TMEM39A: variants seen among roughly 807,000 people sequenced by gnomAD.
TMEM39A encodes transmembrane protein 39A, also known as suppressor of SQST-1 aggregates in rpl-43 mutants.
A neutral mutation model predicts 51.9 loss-of-function variants in TMEM39A; 19 were observed. The ratio of observed to expected loss-of-function variants is 0.37; its 90% CI spans 0.26 to 0.54. TMEM39A has a LOEUF of 0.54. Ranked by LOEUF, TMEM39A falls within the 20% of genes least tolerant of loss-of-function variation. TMEM39A has a pLI of 0.88. For missense variants in TMEM39A, 433 were observed against 590.5 expected (o/e 0.73, Z 2.76); for synonymous variants, 197 against 220.2 (o/e 0.89, Z 0.93).
Position 119,438,078 on chromosome 3 carries a change from A to C in TMEM39A, c.601T>G (p.Cys201Gly). 1 of 1,590,842 alleles carries C rather than the reference A, an allele frequency of 6.3e-7. No individual in the cohort carries two copies. The highest frequency in any genetic ancestry group is 8.6e-7 in the Non-Finnish European group (1 of 1,160,718). ...YPFGVYVPLC[C>G]FHQDSRAHLL... is the part of the protein sequence containing the mutation. ...TGTGCTCTACTATCTTGATGAAAAC[A>C]GCAAAGAGGAACATAAACACCAAAC... Residue 201 changes from cysteine to glycine, a missense_variant, in exon 6 of 9, where the codon TGT (cysteine) becomes GGT (glycine). Cys to Gly is a radical substitution (Grantham distance 159). This residue lies in a region of TMEM39A where 40 missense variants were observed against 22.6 expected (regional missense o/e 1.77). Coordinates refer to ENST00000319172, the MANE Select transcript of TMEM39A (RefSeq NM_018266.3).
intron 4 of TMEM39A, among the ~76,000 whole-genome samples, chr3:119,451,830 C>CAAAAAAAAAAAAAAA (rs10653676): frequency 5.5e-5 from 3 of 54,304 alleles, no homozygotes; most frequent in East Asian, 5.4e-4. Context: ...AACTCCGTCT[C>CAAAAAAAAAAAAAAA]AAAAAAAAAA....
At chr3:119,459,688 G>A (rs73857028) in intron 2 of TMEM39A, among the ~76,000 whole-genome samples, 11,729 of 152,210 alleles carry the variant, frequency 0.077, 976 homozygotes, top group African/African-American at 0.21. Context: ...AACCTTGACT[G>A]TGTTACCAAA....
At chr3:119,432,351 T>C (rs554454826) in intron 8 of TMEM39A, 137 bp from the exon 9 acceptor site, 3 of 565,106 alleles carry the variant, frequency 5.3e-6, no homozygotes, top group East Asian at 6.1e-5. Context: ...GTTTATTTAA[T>C]ATCAATCAGG....
intron 5 of TMEM39A, among the ~76,000 whole-genome samples, chr3:119,441,644 C>T (rs2081055471): frequency 6.6e-6 from 1 of 152,200 alleles, no homozygotes; most frequent in Non-Finnish European, 1.5e-5. Context: ...TGTGAATCTA[C>T]AAACTGTAGC....
At chr3:119,456,073 T>C (rs1262217432) in intron 3 of TMEM39A, among the ~76,000 whole-genome samples, 1 of 152,224 alleles carries the variant, frequency 6.6e-6, no homozygotes, top group African/African-American at 2.4e-5. Flanking sequence ...CCCATTTTTA[T>C]AAAGAGCAAA....
intron 5 of TMEM39A, chr3:119,446,817 T>G: frequency 1.7e-6 from 1 of 592,688 alleles, no homozygotes; most frequent in Non-Finnish European, 2.9e-6. Context: ...CCCAGGACAG[T>G]CCTGGTTTAT....
At chr3:119,460,557 A>C (rs1240836476) in intron 2 of TMEM39A, among the ~76,000 whole-genome samples, 1 of 152,212 alleles carries the variant, frequency 6.6e-6, no homozygotes. Flanking sequence ...ACTCAAGCCT[A>C]GACTGTTAGG....
At chr3:119,457,856 C>T (rs1487360755) in intron 3 of TMEM39A, among the ~76,000 whole-genome samples, 162 bp downstream of exon 3, 2 of 152,188 alleles carry the variant, frequency 1.3e-5, no homozygotes, top group Non-Finnish European at 2.9e-5. Flanking sequence ...ATAATTTAAC[C>T]ATCTTATCAT....
intron 1 of TMEM39A, among the ~76,000 whole-genome samples, chr3:119,462,571 A>C (rs951181794): frequency 7.5e-6 from 1 of 133,516 alleles, no homozygotes; most frequent in Non-Finnish European, 1.5e-5. Flanking sequence ...ATGGTCACAT[A>C]TTATCTGACC....
intron 4 of TMEM39A, chr3:119,451,271 G>C (rs1056806948): frequency 3.6e-5 from 46 of 1,288,008 alleles, no homozygotes; most frequent in Non-Finnish European, 4.7e-5. Flanking sequence ...CAGTTACTCT[G>C]CTTCCAGAAA....
At chr3:119,442,385 C>G (rs997319717) in intron 5 of TMEM39A, among the ~76,000 whole-genome samples, 1 of 151,434 alleles carries the variant, frequency 6.6e-6, no homozygotes, top group Admixed American at 6.6e-5. Context: ...TGACAGTGTA[C>G]CTAGTCACCA....
intron 4 of TMEM39A, chr3:119,451,214 C>G (rs1048776543): frequency 7.9e-7 from 1 of 1,271,838 alleles, no homozygotes; most frequent in Admixed American, 2.5e-5. Flanking sequence ...ACTACCTGTG[C>G]TTTTTGGTTA....
At chr3:119,449,234 T>C (rs991044431) in intron 4 of TMEM39A, among the ~76,000 whole-genome samples, 1 of 152,136 alleles carries the variant, frequency 6.6e-6, no homozygotes. Flanking sequence ...TAAATGTAAA[T>C]ATAAAATCTT....
At chr3:119,457,790 T>A (rs3772136) in intron 3 of TMEM39A, among the ~76,000 whole-genome samples, 50,643 of 152,152 alleles carry the variant, frequency 0.33, 9,202 homozygotes, top group East Asian at 0.61. Context: ...TTATAAAAAA[T>A]TATTTAAATG....
In TMEM39A at chr3:119,429,227, C is replaced by T. The variant is rs192442844; in HGVS notation, c.*2754G>A. ...ATTAATTAAAAAAAAGAGAGAGAAACGGCACAACAGGTGGCAGTGGTGGTG... is the reference window on the plus strand; with the variant it reads ...ATTAATTAAAAAAAAGAGAGAGAAATGGCACAACAGGTGGCAGTGGTGGTG... On this transcript the variant is annotated 3_prime_UTR_variant, in exon 9 of 9. Transcript: ENST00000319172. Among the ~76,000 whole-genome samples, 219 of 151,718 alleles carry T rather than the reference C, an allele frequency of 1.4e-3. No homozygotes were observed. The Middle Eastern group carries it at 0.017, about 12-fold the overall frequency.
At chr3:119,446,484 CA>C (rs2081126598) in intron 5 of TMEM39A, among the ~76,000 whole-genome samples, 1 of 152,204 alleles carries the variant, frequency 6.6e-6, no homozygotes, top group African/African-American at 2.4e-5. Flanking sequence ...CTACTCAGAA[CA>C]GCACACAATT....
chr3:119,444,762 T>A (rs1421068619), intron 5 of TMEM39A, among the ~76,000 whole-genome samples: 1 of 152,166 alleles, frequency 6.6e-6, no homozygotes, highest in African/African-American at 2.4e-5. Flanking sequence ...TTCTGAGAAT[T>A]TCCAACAAAT....
intron 7 of TMEM39A, 109 bp from the exon 8 acceptor site, chr3:119,434,991 T>C (rs1424107926): frequency 1.4e-6 from 2 of 1,452,632 alleles, no homozygotes; most frequent in African/African-American, 2.8e-5. Flanking sequence ...CAAGGCTTCA[T>C]CTGCCTGAAT....
At chr3:119,446,125 C>T (rs565713351) in intron 5 of TMEM39A, among the ~76,000 whole-genome samples, 15 of 152,292 alleles carry the variant, frequency 9.8e-5, no homozygotes, top group African/African-American at 3.6e-4. Flanking sequence ...ATACTGTTTA[C>T]AATTTCATGG....
Sources: allele counts gnomAD v4.1 joint callset (sites outside exome capture counted in the v4.1 genomes callset), GRCh38; gene constraint gnomAD v4.1.1; regional missense constraint gnomAD v4.1.1; transcripts MANE v1.5; gene names NCBI Gene and HGNC (gene_info 2026-07-23, HGNC 2026-07-21).